EHBP1L1: variants seen among roughly 807,000 people sequenced by gnomAD.
EHBP1L1 encodes the protein EH domain-binding protein 1-like protein 1.
Under a neutral mutation model 151.1 loss-of-function variants are expected in EHBP1L1, and 122 were observed. The ratio of observed to expected loss-of-function variants is 0.81; its 90% CI spans 0.70 to 0.94. EHBP1L1 has a LOEUF of 0.94. Ranked by LOEUF, EHBP1L1 falls within the 40% of genes least tolerant of loss-of-function variation. The pLI is 0.00. For synonymous variants in EHBP1L1, 878 were observed against 810.1 expected (o/e 1.08, Z -1.42); for missense variants, 1,941 against 1,959.8 (o/e 0.99, Z 0.18).
chr11:65,577,217 C>T (rs555542303), intron 1 of EHBP1L1, among the ~76,000 whole-genome samples: 8 of 152,068 alleles, frequency 5.3e-5, no homozygotes, highest in Non-Finnish European at 1.0e-4. Context: ...TGGATTAGGG[C>T]ACAGCTGTGG....
Position 65,583,753 on chromosome 11 carries a change from G to A in EHBP1L1, c.3081G>A (p.Leu1027=). The A allele has an allele frequency of 6.7e-7, 1 of 1,492,714 alleles. No homozygotes were observed. Among genetic ancestry groups the A allele is most frequent in the South Asian group, 1.3e-5 (1 of 76,394 alleles). 92.5% of individuals were successfully genotyped at this position (1,492,714 alleles called of 1,614,324 possible). Residue 1027 remains leucine, a synonymous_variant, in exon 9 of 19, where the codon CTG becomes CTA. Coordinates refer to ENST00000309295, the MANE Select transcript of EHBP1L1 (RefSeq NM_001099409.3). The part of the protein sequence containing the change: ...SPEKAEEDRR[L]PGSQAPPALV... ...AGAAGGCTGAAGAGGACAGGAGGCT[G>A]CCGGGCAGCCAGGTAGGGATGGGGG...
At chr11:65,588,747 G>A (rs572764156) in intron 12 of EHBP1L1, among the ~76,000 whole-genome samples, 35 of 152,356 alleles carry the variant, frequency 2.3e-4, no homozygotes, top group African/African-American at 8.2e-4. Flanking sequence ...CACTAGGGGC[G>A]GGCAGGTACA....
chr11:65,585,247 G>C lies in EHBP1L1; in HGVS notation c.3589G>C (p.Ala1197Pro). 9.1e-7 allele frequency: 1 copy of C among 1,101,362 alleles called. No individual in the cohort carries two copies. Among genetic ancestry groups the C allele is most frequent in the Non-Finnish European group, 1.1e-6 (1 of 904,282 alleles). The allele number at this position is 1,101,362 out of a possible 1,614,324, so 68.2% of individuals were successfully genotyped here. A position where few individuals can be genotyped will look rare whatever the true frequency, so the allele number is the denominator to read the frequency against. Residue 1197 changes from alanine to proline, a missense_variant, in exon 12 of 19, where the codon GCA becomes CCA. Coordinates refer to ENST00000309295, the MANE Select transcript of EHBP1L1 (RefSeq NM_001099409.3). The surrounding 1 kb of genome is among the most constrained non-coding windows in gnomAD (Gnocchi z 4.0). ...AEGPQEPKEA[A>P]DRADGAAPGV... is the part of the protein sequence containing the mutation. ...GGGGCCCCAGGAGCCCAAGGAGGCC[G>C]CAGACCGCGCAGACGGGGCGGCCCC...
rs72939141 is a variant in EHBP1L1, at chr11:65,580,876, G to A, written c.635-182G>A. The A allele has an allele frequency of 0.022, 30,718 of 1,397,984 alleles. 398 individuals are homozygous for A. Among genetic ancestry groups the A allele is most frequent in the Non-Finnish European group, 0.025 (26,430 of 1,071,934 alleles). 86.6% of individuals were successfully genotyped at this position (1,397,984 alleles called of 1,614,324 possible). A position where few individuals can be genotyped will look rare whatever the true frequency, so the allele number is the denominator to read the frequency against. ...CCAGGCTTTTTCTCTGTCCACTGTT[G>A]AGGTTCTCTCTCTCTTTCTCTCCAC... On this transcript the variant is annotated intron_variant, in intron 6 of 18. Coordinates refer to ENST00000309295, the MANE Select transcript of EHBP1L1 (RefSeq NM_001099409.3).
chr11:65,591,474 C>T (rs1177906250), intron 16 of EHBP1L1: 2 of 464,708 alleles, frequency 4.3e-6, no homozygotes, highest in Non-Finnish European at 3.9e-6. Flanking sequence ...GACAGCTTTG[C>T]CTCCCTTTTG....
chr11:65,579,455 A>G lies in EHBP1L1; in HGVS notation c.258+19A>G. On this transcript the variant is annotated intron_variant, in intron 3 of 18. Transcript: ENST00000309295. Reference sequence around the variant, plus strand: ...CTACAGGGTGAGTCTCTAGCCCTCCAGCATGGATGGCAATTGCAACACAGG... The same window carrying G: ...CTACAGGGTGAGTCTCTAGCCCTCCGGCATGGATGGCAATTGCAACACAGG... The G allele has an allele frequency of 6.8e-7, 1 of 1,461,974 alleles. No individual in the cohort carries two copies. The highest frequency in any genetic ancestry group is 9.1e-7 in the Non-Finnish European group (1 of 1,101,440). The allele number at this position is 1,461,974 out of a possible 1,614,324, so 90.6% of individuals were successfully genotyped here.
At chr11:65,590,239 C>T in intron 15 of EHBP1L1, 29 bp downstream of exon 15, 3 of 1,609,424 alleles carry the variant, frequency 1.9e-6, no homozygotes, top group Non-Finnish European at 2.5e-6. Context: ...GATCCCTTCC[C>T]CAACACATGC....
In EHBP1L1 at chr11:65,582,991, A is replaced by T. The variant is rs779520794; in HGVS notation, c.2319A>T (p.Ile773=). 5.6e-6 allele frequency: 9 copies of T among 1,613,156 alleles called. No homozygotes were observed. The highest frequency in any genetic ancestry group is 7.6e-6 in the Non-Finnish European group (9 of 1,179,620). ...GIETGAAEGA[I]LGTQEIASRD... is the part of the protein sequence containing the mutation. ...AGACTGGGGCAGCAGAAGGTGCGATATTGGGGACCCAAGAGATAGCATCTA... is the reference window on the plus strand; with the variant it reads ...AGACTGGGGCAGCAGAAGGTGCGATTTTGGGGACCCAAGAGATAGCATCTA... Residue 773 remains isoleucine, a synonymous_variant, in exon 9 of 19, where the codon ATA becomes ATT. Coordinates refer to ENST00000309295, the MANE Select transcript of EHBP1L1 (RefSeq NM_001099409.3).
In EHBP1L1 at chr11:65,589,973, AG is replaced by A. The variant is rs777418502; in HGVS notation, c.4045del (p.Glu1349ArgfsTer29). On this transcript the variant is annotated frameshift_variant, in exon 14 of 19. Transcript: ENST00000309295. LOFTEE classifies it high-confidence loss of function. ...CCTCGGAGGAACCACCCCCAAGCCC[AG>A]GGGAGGAGGCTGGGCTGGTAAGGAG... The part of the protein sequence containing the change: ...SPSEEPPPSP[G>X]EEAGLQRFQD... The A allele has an allele frequency of 1.3e-6, 2 of 1,591,900 alleles. No homozygotes were observed. Among genetic ancestry groups the A allele is most frequent in the Non-Finnish European group, 8.6e-7 (1 of 1,165,440 alleles).
intron 15 of EHBP1L1, 118 bp downstream of exon 15, chr11:65,590,328 C>T (rs903263478): frequency 6.5e-7 from 1 of 1,527,280 alleles, no homozygotes; most frequent in Admixed American, 2.0e-5. Flanking sequence ...TCAGCGTTCC[C>T]ATTTTACAGC....
chr11:65,581,581 C>T lies in EHBP1L1; in HGVS notation c.909C>T (p.Ala303=). 1 of 1,515,334 alleles carries T rather than the reference C, an allele frequency of 6.6e-7. No homozygotes were observed. The highest frequency in any genetic ancestry group is 8.8e-7 in the Non-Finnish European group (1 of 1,132,234). 93.9% of individuals were successfully genotyped at this position (1,515,334 alleles called of 1,614,324 possible). The part of the protein sequence containing the change: ...QPAQDTAPTP[A]PRLRKGSDAL... Reference sequence around the variant, plus strand: ...CCCAGGACACGGCCCCCACCCCAGCCCCTCGGCTCCGGAAAGGCTCTGATG... The same window carrying T: ...CCCAGGACACGGCCCCCACCCCAGCTCCTCGGCTCCGGAAAGGCTCTGATG... Residue 303 remains alanine (A), a synonymous_variant, in exon 9 of 19, where the codon GCC becomes GCT. Coordinates refer to ENST00000309295, the MANE Select transcript of EHBP1L1 (RefSeq NM_001099409.3).
chr11:65,586,003 T>G (rs1238307942), intron 12 of EHBP1L1, among the ~76,000 whole-genome samples: 1 of 152,180 alleles, frequency 6.6e-6, no homozygotes, highest in Non-Finnish European at 1.5e-5. Flanking sequence ...GGCATTTCTT[T>G]CCCTGCAGGT....
Position 65,576,256 on chromosome 11 carries a change from A to C in EHBP1L1, c.-47A>C. 1 of 1,509,798 alleles carries C rather than the reference A, an allele frequency of 6.6e-7. No individual in the cohort carries two copies. The highest frequency in any genetic ancestry group is 8.9e-7 in the Non-Finnish European group (1 of 1,128,970). 93.5% of individuals were successfully genotyped at this position (1,509,798 alleles called of 1,614,324 possible). On this transcript the variant is annotated 5_prime_UTR_variant, in exon 1 of 19. Coordinates refer to ENST00000309295, the MANE Select transcript of EHBP1L1 (RefSeq NM_001099409.3). ...CGGGCCGGGCCAGCGGTGGCGGGCCAGCGGGAGCCCCGGGCCTGAGAAGTG... is the reference window on the plus strand; with the variant it reads ...CGGGCCGGGCCAGCGGTGGCGGGCCCGCGGGAGCCCCGGGCCTGAGAAGTG...
intron 17 of EHBP1L1, 24 bp from the exon 18 acceptor site, chr11:65,591,952 A>C: frequency 6.2e-7 from 1 of 1,608,274 alleles, no homozygotes; most frequent in South Asian, 1.1e-5. Context: ...GCGCCTCCTG[A>C]CGCTTAGCCG....
intron 6 of EHBP1L1, 93 bp downstream of exon 6, chr11:65,580,572 A>T: frequency 3.3e-6 from 5 of 1,508,998 alleles, no homozygotes; most frequent in Non-Finnish European, 4.5e-6. Flanking sequence ...CCGCCCTGTG[A>T]TGGGAACTCA....
At chr11:65,577,442 T>A (rs1857384737) in intron 1 of EHBP1L1, among the ~76,000 whole-genome samples, 1 of 152,216 alleles carries the variant, frequency 6.6e-6, no homozygotes, top group Non-Finnish European at 1.5e-5. Context: ...GCACTTGAAC[T>A]CTGGCCTCTG....
chr11:65,590,342 G>A (rs1858206514), intron 15 of EHBP1L1, 132 bp downstream of exon 15: 2 of 1,512,824 alleles, frequency 1.3e-6, no homozygotes, highest in African/African-American at 2.7e-5. Context: ...TTACAGCCAG[G>A]CATGCTGAGG....
intron 12 of EHBP1L1, 116 bp from the exon 13 acceptor site, chr11:65,589,635 G>A (rs990107821): frequency 2.2e-4 from 305 of 1,410,146 alleles, no homozygotes; most frequent in Admixed American, 1.1e-3. Context: ...GGGCAGGGGC[G>A]GGCAGGAGCT....
chr11:65,592,432 C>A lies in EHBP1L1; in HGVS notation c.*130C>A. The A allele has an allele frequency of 1.8e-5, 11 of 606,250 alleles. No individual in the cohort carries two copies. Among genetic ancestry groups the A allele is most frequent in the Non-Finnish European group, 2.1e-5 (10 of 466,192 alleles). 37.6% of individuals were successfully genotyped at this position (606,250 alleles called of 1,614,324 possible). ...TCCGCTAGGGGCCGCCGGCGCCCTT[C>A]CCCGTACAGGGCAGGGCGGATCCCC... On this transcript the variant is annotated 3_prime_UTR_variant, in exon 19 of 19. Coordinates refer to ENST00000309295, the MANE Select transcript of EHBP1L1 (RefSeq NM_001099409.3).
Sources: allele counts gnomAD v4.1 joint callset (sites outside exome capture counted in the v4.1 genomes callset), GRCh38; gene constraint gnomAD v4.1.1; non-coding constraint Gnocchi (gnomAD v3.1); transcripts MANE v1.5; gene names NCBI Gene and HGNC (gene_info 2026-07-23, HGNC 2026-07-21).